Variants in FREM2 observed in about 807,000 individuals in gnomAD.
The protein encoded by FREM2 is FRAS1-related extracellular matrix protein 2.
FREM2 carries 119 observed loss-of-function variants against 219.9 expected under a neutral mutation model. The ratio of observed to expected loss-of-function variants is 0.54; its 90% CI spans 0.47 to 0.63. FREM2 has a LOEUF of 0.63. FREM2 is among the 30% of genes least tolerant of loss of function. The pLI is 0.00. For synonymous variants in FREM2, 1,562 were observed against 1,522.8 expected (o/e 1.03, Z -0.60); for missense variants, 4,030 against 3,993.6 (o/e 1.01, Z -0.25).
chr13:38,830,919 A>G (rs1392511333), intron 6 of FREM2, among the ~76,000 whole-genome samples: 1 of 152,154 alleles, frequency 6.6e-6, no homozygotes, highest in Non-Finnish European at 1.5e-5. Context: ...TAATATGTGT[A>G]CATTCACCTG....
intron 2 of FREM2, among the ~76,000 whole-genome samples, chr13:38,719,754 A>G (rs562455269): frequency 8.2e-4 from 125 of 152,300 alleles, no homozygotes; most frequent in Non-Finnish European, 1.3e-3. Context: ...TGGGGGAGCC[A>G]TTATTCTGCC....
intron 4 of FREM2, among the ~76,000 whole-genome samples, chr13:38,771,340 A>C (rs1045215495): frequency 6.6e-6 from 1 of 152,202 alleles, no homozygotes; most frequent in African/African-American, 2.4e-5. Flanking sequence ...AAACAAGCCC[A>C]GGACAGCTTT....
intron 6 of FREM2, among the ~76,000 whole-genome samples, chr13:38,838,677 C>A (rs1452327575): frequency 3.3e-5 from 5 of 152,176 alleles, no homozygotes; most frequent in Non-Finnish European, 7.3e-5. Context: ...TATGTTTTCT[C>A]TAATCTTGTC....
At chr13:38,869,405 C>G (rs1878082898) in intron 16 of FREM2, among the ~76,000 whole-genome samples, 1 of 152,176 alleles carries the variant, frequency 6.6e-6, no homozygotes, top group Admixed American at 6.5e-5. Flanking sequence ...ATTTTGCCAT[C>G]TCATTTATTT....
At chr13:38,753,174 T>A (rs1003573453) in intron 2 of FREM2, among the ~76,000 whole-genome samples, 3 of 151,992 alleles carry the variant, frequency 2.0e-5, no homozygotes, top group Non-Finnish European at 4.4e-5. Flanking sequence ...AGTATTTAAA[T>A]TTTTTTTAAC....
intron 6 of FREM2, among the ~76,000 whole-genome samples, chr13:38,814,865 G>A (rs958101713): frequency 2.6e-5 from 4 of 152,160 alleles, no homozygotes; most frequent in Admixed American, 2.0e-4. Context: ...ATCCATGGGG[G>A]GCTCTACTAG....
chr13:38,861,183 T>A (rs1877746248), intron 14 of FREM2, among the ~76,000 whole-genome samples: 1 of 152,180 alleles, frequency 6.6e-6, no homozygotes, highest in African/African-American at 2.4e-5. Flanking sequence ...CATTGAATGG[T>A]AACAAATTTT....
At chr13:38,801,572 A>C (rs1875009303) in intron 6 of FREM2, among the ~76,000 whole-genome samples, 1 of 152,002 alleles carries the variant, frequency 6.6e-6, no homozygotes, top group African/African-American at 2.4e-5. Flanking sequence ...CAGTAGTGTA[A>C]TATTCATATG....
intron 11 of FREM2, among the ~76,000 whole-genome samples, chr13:38,854,521 A>C (rs1314005235): frequency 1.3e-5 from 2 of 152,134 alleles, no homozygotes; most frequent in Non-Finnish European, 2.9e-5. Flanking sequence ...AAACTCAAAA[A>C]TCTCTATTTT....
chr13:38,788,695 C>T (rs1874432232), intron 6 of FREM2, among the ~76,000 whole-genome samples: 1 of 151,766 alleles, frequency 6.6e-6, no homozygotes, highest in African/African-American at 2.4e-5. Context: ...CATATTGTGC[C>T]CTTTAGTATA....
At chr13:38,693,770 A>G (rs906885523) in intron 1 of FREM2, among the ~76,000 whole-genome samples, 25 of 152,234 alleles carry the variant, frequency 1.6e-4, no homozygotes, top group African/African-American at 5.3e-4. Context: ...AAAGTGGACT[A>G]CTTCTCTGTT....
intron 4 of FREM2, among the ~76,000 whole-genome samples, chr13:38,773,116 G>A (rs1417780118): frequency 6.6e-6 from 1 of 152,148 alleles, no homozygotes; most frequent in Non-Finnish European, 1.5e-5. Context: ...TGTTATATAG[G>A]TGAAGATTTT....
At chr13:38,791,366 T>G (rs917964393) in intron 6 of FREM2, among the ~76,000 whole-genome samples, 10 of 152,146 alleles carry the variant, frequency 6.6e-5, no homozygotes, top group African/African-American at 1.9e-4. Context: ...ATTCACCCCT[T>G]TCTTACCTTG....
Position 38,696,674 on chromosome 13 carries a change from A to G in FREM2, c.5174-1024A>G, listed in dbSNP as rs1023747900. ...GCATCATTAAGGAAAGGAACTGGTAAGATGGATGAATAAGTTTTAAAAATT... is the reference window on the plus strand; with the variant it reads ...GCATCATTAAGGAAAGGAACTGGTAGGATGGATGAATAAGTTTTAAAAATT... On this transcript the variant is annotated intron_variant, in intron 1 of 23. Transcript: ENST00000280481. Among the ~76,000 whole-genome samples the G allele has an allele frequency of 3.9e-5, 6 of 152,338 alleles. No homozygotes were observed. The South Asian group carries it at 1.2e-3, about 32-fold the overall frequency.
At chr13:38,748,438 A>G (rs1872572131) in intron 2 of FREM2, among the ~76,000 whole-genome samples, 1 of 152,174 alleles carries the variant, frequency 6.6e-6, no homozygotes, top group African/African-American at 2.4e-5. Flanking sequence ...AAATTATGTG[A>G]CCTGCATGTG....
intron 6 of FREM2, 117 bp from the exon 7 acceptor site, chr13:38,846,456 T>C (rs560839533): frequency 9.8e-7 from 1 of 1,017,694 alleles, no homozygotes; most frequent in South Asian, 1.4e-5. Context: ...AGGAAAAAAG[T>C]ATGATGATAT....
rs751827202 is a variant in FREM2 at position 38,861,454 on chromosome 13, G to A, written c.7543G>A (p.Gly2515Arg). 6.2e-7 allele frequency: 1 copy of A among 1,611,666 alleles called. No homozygotes were observed. Reference sequence around the variant, plus strand: ...AGGTCTTTGTCAGCCCCGTGTACCTGGGGTTGTTGGAGCAGAGCCGTTCTC... The same window carrying A: ...AGGTCTTTGTCAGCCCCGTGTACCTAGGGTTGTTGGAGCAGAGCCGTTCTC... The part of the protein sequence containing the change: ...EEGLCQPRVP[G>R]VVGAEPFSAK... Residue 2515 changes from glycine to arginine, a missense_variant, in exon 15 of 24, where the codon GGG becomes AGG. Coordinates refer to ENST00000280481, the MANE Select transcript of FREM2 (RefSeq NM_207361.6).
rs549406941 is a variant in FREM2 at position 38,792,341 on chromosome 13, C to T, written c.6019+7533C>T. ...TCCAGCCTGGGCAACAAGCAAGACT[C>T]GGTCTCAAAAAATATATTTTAAAAA... On this transcript the variant is annotated intron_variant, in intron 6 of 23. Coordinates refer to ENST00000280481, the MANE Select transcript of FREM2 (RefSeq NM_207361.6). Among the ~76,000 whole-genome samples, 332 of 152,218 alleles carry T rather than the reference C, an allele frequency of 2.2e-3. 1 individual carries two copies. The highest frequency in any genetic ancestry group is 3.5e-3 in the Admixed American group (53 of 15,286).
chr13:38,862,799 G>GA (rs34825901), intron 15 of FREM2, among the ~76,000 whole-genome samples: 5,929 of 150,718 alleles, frequency 0.039, 181 homozygotes, highest in African/African-American at 0.088. Context: ...AATGTTTGGG[G>GA]AAAAAAAAAG....
Sources: allele counts gnomAD v4.1 joint callset (sites outside exome capture counted in the v4.1 genomes callset), GRCh38; gene constraint gnomAD v4.1.1; transcripts MANE v1.5; gene names NCBI Gene and HGNC (gene_info 2026-07-23, HGNC 2026-07-21).